The following DNAJC3 variants were observed in gnomAD, a reference collection of about 807,000 sequenced individuals.
DNAJC3 encodes DnaJ heat shock protein family (Hsp40) member C3.
DNAJC3 carries 38 observed loss-of-function variants against 68.6 expected under a neutral mutation model. That is an observed-to-expected ratio of 0.55 (90% confidence interval 0.43 to 0.73). DNAJC3 has a LOEUF of 0.73. Ranked by LOEUF, DNAJC3 falls within the 30% of genes least tolerant of loss-of-function variation. DNAJC3 has a pLI of 0.00. For synonymous variants in DNAJC3, 203 were observed against 204.0 expected, an observed-to-expected ratio of 1.00 and a Z score of 0.04; for missense variants, 526 against 591.9, an observed-to-expected ratio of 0.89 and a Z score of 1.16.
At chr13:95,691,169 C>T (rs1400456482) in intron 1 of DNAJC3, among the ~76,000 whole-genome samples, 25 of 149,564 alleles carry the variant, frequency 1.7e-4, no homozygotes, top group Non-Finnish European at 3.7e-4. Context: ...CCCTCCCGGA[C>T]GGGGCTGCTG....
intron 4 of DNAJC3, among the ~76,000 whole-genome samples, chr13:95,740,497 C>T (rs561884997): frequency 9.0e-5 from 13 of 144,518 alleles, no homozygotes; most frequent in African/African-American, 1.3e-4. Context: ...AGCCAGGTGC[C>T]GGATATAATC....
intron 9 of DNAJC3, among the ~76,000 whole-genome samples, chr13:95,769,404 G>A (rs1267138702): frequency 1.3e-5 from 2 of 152,156 alleles, no homozygotes; most frequent in African/African-American, 4.8e-5. Context: ...GGTCTTTGTT[G>A]GAAGATGCTG....
rs1883880991 is a variant in DNAJC3 at position 95,793,992 on chromosome 13, T to C, written c.*2962T>C. ...GACAAAATTTAATTCATTCCTCAGT[T>C]CTGAAAGTTTGTGCTTTCTTACCAT... On this transcript the variant is annotated 3_prime_UTR_variant, in exon 12 of 12. Transcript: ENST00000602402. 6.6e-6 allele frequency: 1 copy of C among 152,164 alleles called. No individual in the cohort carries two copies. Among genetic ancestry groups the C allele is most frequent in the Non-Finnish European group, 1.5e-5 (1 of 68,036 alleles). The allele number at this position is 152,164 out of a possible 1,614,324, so 9.4% of individuals were successfully genotyped here.
At chr13:95,710,096 T>G (rs1292440551) in intron 2 of DNAJC3, among the ~76,000 whole-genome samples, 1 of 152,232 alleles carries the variant, frequency 6.6e-6, no homozygotes, top group Non-Finnish European at 1.5e-5. Flanking sequence ...ATACTGTTGC[T>G]TCTTATTTCT....
intron 1 of DNAJC3, chr13:95,693,980 C>G (rs1325407866): frequency 6.6e-6 from 1 of 152,178 alleles, no homozygotes; most frequent in Non-Finnish European, 1.5e-5. Flanking sequence ...ATTATCTACT[C>G]TATTACCCCA....
chr13:95,787,985 C>CAAATT (rs57861032), intron 11 of DNAJC3, among the ~76,000 whole-genome samples: 2,274 of 152,256 alleles, frequency 0.015, 60 homozygotes, highest in African/African-American at 0.052. Context: ...CTGAGCTAAA[C>CAAATT]AAACAAAAGA....
At chr13:95,709,145 T>C (rs1880864615) in intron 1 of DNAJC3, 82 bp from the exon 2 acceptor site, 4 of 999,304 alleles carry the variant, frequency 4.0e-6, no homozygotes, top group South Asian at 2.3e-5. Context: ...CTGAGACAGA[T>C]AACTATTTTT....
chr13:95,698,513 A>G (rs1880507433), intron 1 of DNAJC3, among the ~76,000 whole-genome samples: 1 of 152,204 alleles, frequency 6.6e-6, no homozygotes, highest in Admixed American at 6.5e-5. Context: ...AGGGAGCTGC[A>G]CTGGCTTCAT....
chr13:95,734,054 GT>G (rs1881806257), intron 4 of DNAJC3, among the ~76,000 whole-genome samples: 2 of 151,980 alleles, frequency 1.3e-5, no homozygotes, highest in Non-Finnish European at 2.9e-5. Flanking sequence ...TTCTCTTATT[GT>G]TTATCTTTTT....
chr13:95,717,916 A>G (rs775395397), intron 2 of DNAJC3, among the ~76,000 whole-genome samples: 18 of 152,182 alleles, frequency 1.2e-4, no homozygotes, highest in East Asian at 9.6e-4. Flanking sequence ...TGTTTTTCCT[A>G]TGCCTCTCAC....
At chr13:95,707,722 A>G (rs530362840) in intron 1 of DNAJC3, among the ~76,000 whole-genome samples, 1 of 152,344 alleles carries the variant, frequency 6.6e-6, no homozygotes, top group East Asian at 1.9e-4. Flanking sequence ...ATAGGAGAGT[A>G]ACTAAAGATG....
intron 1 of DNAJC3, among the ~76,000 whole-genome samples, chr13:95,690,585 C>G (rs1176317428): frequency 4.0e-5 from 6 of 150,544 alleles, no homozygotes; most frequent in African/African-American, 1.5e-4. Context: ...CCCCTCACCT[C>G]CCGGACGGGG....
At chr13:95,716,733 C>T (rs993497834) in intron 2 of DNAJC3, among the ~76,000 whole-genome samples, 1 of 152,290 alleles carries the variant, frequency 6.6e-6, no homozygotes, top group Non-Finnish European at 1.5e-5. Context: ...GTTCTGCCAT[C>T]GCTGCTCTGC....
At chr13:95,724,478 C>T (rs879662115) in intron 3 of DNAJC3, among the ~76,000 whole-genome samples, 20 of 152,088 alleles carry the variant, frequency 1.3e-4, no homozygotes, top group Non-Finnish European at 2.4e-4. Flanking sequence ...TCCCAACTTA[C>T]GCAACTTTTA....
chr13:95,783,940 G>A (rs1313710016), intron 9 of DNAJC3, among the ~76,000 whole-genome samples: 1 of 152,160 alleles, frequency 6.6e-6, no homozygotes, highest in East Asian at 1.9e-4. Flanking sequence ...TTCCATCCAG[G>A]AAGAGGAGGG....
intron 4 of DNAJC3, among the ~76,000 whole-genome samples, chr13:95,741,676 G>T (rs1174855246): frequency 6.6e-6 from 1 of 152,174 alleles, no homozygotes; most frequent in Non-Finnish European, 1.5e-5. Flanking sequence ...TTGGATCCCA[G>T]CTGGTCTGAG....
chr13:95,726,906 A>G (rs1006084013), intron 4 of DNAJC3, among the ~76,000 whole-genome samples: 2 of 152,248 alleles, frequency 1.3e-5, no homozygotes, highest in African/African-American at 4.8e-5. Context: ...ATCTGTGGAT[A>G]AATCCAAAAA....
chr13:95,735,780 ACT>A (rs1881892230), intron 4 of DNAJC3, among the ~76,000 whole-genome samples: 1 of 151,732 alleles, frequency 6.6e-6, no homozygotes, highest in Admixed American at 6.6e-5. Flanking sequence ...TTGCCTGTTC[ACT>A]CTGATGATAG....
intron 1 of DNAJC3, among the ~76,000 whole-genome samples, chr13:95,681,280 A>G (rs1594765539): frequency 6.6e-6 from 1 of 152,160 alleles, no homozygotes; most frequent in African/African-American, 2.4e-5. Flanking sequence ...CTGTTTTTAT[A>G]CCTTATAGGT....
Sources: gnomAD v4.1 joint callset for allele counts (sites outside exome capture counted in the v4.1 genomes callset) on GRCh38, gnomAD v4.1.1 for gene constraint, MANE v1.5 for transcripts, NCBI Gene and HGNC (gene_info 2026-07-23, HGNC 2026-07-21) for gene names.